LCK: variants seen among roughly 807,000 people sequenced by gnomAD.
LCK encodes the protein tyrosine-protein kinase Lck.
A neutral mutation model predicts 64.6 loss-of-function variants in LCK; 14 were observed. The observed-to-expected ratio is 0.22, with a 90% confidence interval of 0.14 to 0.34. The LOEUF (loss-of-function observed/expected upper bound fraction) is 0.34. LCK is among the 10% of genes least tolerant of loss of function. LCK has a pLI of 1.00. For synonymous variants in LCK, 277 were observed against 263.6 expected (o/e 1.05, Z -0.49); for missense variants, 434 against 668.1 (o/e 0.65, Z 3.86).
rs201599151 is a variant in LCK at position 32,280,191 on chromosome 1, C to T, written c.1308C>T (p.His436=). The change falls in exon 12 of 13, where the codon CAC becomes CAT. Residue 436 remains histidine (H), a synonymous_variant. Transcript: ENST00000336890. ...TCCTGCTGACGGAAATTGTCACCCA[C>T]GGCCGCATCCCTTACCCAGGTTAGA... The part of the protein sequence containing the change: ...FGILLTEIVT[H]GRIPYPGMTN... 9.3e-6 allele frequency: 15 copies of T among 1,614,090 alleles called. No individual in the cohort carries two copies. Among genetic ancestry groups the T allele is most frequent in the South Asian group, 1.1e-5 (1 of 91,076 alleles).
intron 1 of LCK, among the ~76,000 whole-genome samples, chr1:32,255,506 T>C (rs1639608458): frequency 6.6e-6 from 1 of 152,254 alleles, no homozygotes; most frequent in African/African-American, 2.4e-5. Context: ...TCCTTTTAAC[T>C]GTTTCACTAA....
intron 1 of LCK, among the ~76,000 whole-genome samples, chr1:32,273,135 T>G: frequency 1.2e-5 from 1 of 83,930 alleles, no homozygotes; most frequent in Non-Finnish European, 2.2e-5. Flanking sequence ...TGAGAGTGGG[T>G]GCCTGTGTGT....
intron 1 of LCK, among the ~76,000 whole-genome samples, chr1:32,270,931 T>C (rs1640063522): frequency 6.6e-6 from 1 of 150,956 alleles, no homozygotes; most frequent in South Asian, 2.1e-4. Context: ...CTCGATCCCT[T>C]AATCTTGTGA....
chr1:32,272,735 G>A (rs370005228), intron 1 of LCK, among the ~76,000 whole-genome samples: 1 of 151,992 alleles, frequency 6.6e-6, no homozygotes, highest in East Asian at 1.9e-4. Context: ...TTTGGGAAAG[G>A]CAAGAATAGT....
chr1:32,272,014 G>A (rs767861588), intron 1 of LCK, among the ~76,000 whole-genome samples: 2 of 152,054 alleles, frequency 1.3e-5, no homozygotes, highest in Non-Finnish European at 2.9e-5. Flanking sequence ...GTGATATTTA[G>A]GCCAGGTGCC....
At chr1:32,257,320 C>T (rs1639655844) in intron 1 of LCK, among the ~76,000 whole-genome samples, 1 of 150,986 alleles carries the variant, frequency 6.6e-6, no homozygotes, top group Non-Finnish European at 1.5e-5. Context: ...CCAATCTTGG[C>T]TAACTGTAGC....
chr1:32,261,240 ATTTT>A (rs533208515), intron 1 of LCK, among the ~76,000 whole-genome samples: 1 of 106,092 alleles, frequency 9.4e-6, no homozygotes, highest in Non-Finnish European at 1.8e-5. Context: ...TGCTTGGCTA[ATTTT>A]TTTTTTTTTT....
chr1:32,256,471 G>A (rs978762930), intron 1 of LCK, among the ~76,000 whole-genome samples: 4 of 151,884 alleles, frequency 2.6e-5, no homozygotes, highest in Non-Finnish European at 4.4e-5. Context: ...GGTGGCAGGC[G>A]CCTGTAATCC....
intron 12 of LCK, among the ~76,000 whole-genome samples, chr1:32,283,288 CAAA>C (rs888361880): frequency 9.3e-5 from 5 of 53,726 alleles, no homozygotes; most frequent in Admixed American, 1.9e-4. Context: ...GACTCTGTCT[CAAA>C]AAAAAAAAAA....
intron 1 of LCK, among the ~76,000 whole-genome samples, chr1:32,264,014 C>T (rs1448592582): frequency 6.6e-6 from 1 of 152,070 alleles, no homozygotes; most frequent in African/African-American, 2.4e-5. Context: ...TAGGGACGGT[C>T]GCTGCTATTC....
chr1:32,280,116 C>A lies in LCK; in HGVS notation c.1233C>A (p.Ala411=). 1 of 1,614,168 alleles carries A rather than the reference C, an allele frequency of 6.2e-7. No individual in the cohort carries two copies. The highest frequency in any genetic ancestry group is 8.5e-7 in the Non-Finnish European group (1 of 1,180,032). Residue 411 remains alanine (A), a synonymous_variant, in exon 12 of 13, where the codon GCC becomes GCA. Coordinates refer to ENST00000336890, the MANE Select transcript of LCK (RefSeq NM_005356.5). ...CCATTAAGTGGACAGCGCCAGAAGC[C>A]ATTAACTACGGGACATTCACCATCA... The part of the protein sequence containing the change: ...KFPIKWTAPE[A]INYGTFTIKS...
rs76434235 is a variant in LCK, at chr1:32,251,688, G to A, written c.-6+317G>A. Reference sequence around the variant, plus strand: ...AGAAACCACCAAGCCCAGTCCCTCAGGCCATGAGGATGAGGCTCCTGAGGC... The same window carrying A: ...AGAAACCACCAAGCCCAGTCCCTCAAGCCATGAGGATGAGGCTCCTGAGGC... On this transcript the variant is annotated intron_variant, in intron 1 of 12. Transcript: ENST00000336890. The surrounding 1 kb of genome is among the most constrained non-coding windows in gnomAD (Gnocchi z 4.0). 4.7e-3 allele frequency among the ~76,000 whole-genome samples: 715 copies of A among 152,308 alleles called. 19 individuals are homozygous for A. In the East Asian group the frequency reaches 0.08, roughly 17 times the overall value.
At chr1:32,268,863 A>C (rs1335184810) in intron 1 of LCK, among the ~76,000 whole-genome samples, 3 of 151,232 alleles carry the variant, frequency 2.0e-5, no homozygotes, top group Admixed American at 2.0e-4. Context: ...AGGGCTGGGC[A>C]CAGTGGCTCA....
At chr1:32,267,584 A>G (rs1352300486) in intron 1 of LCK, among the ~76,000 whole-genome samples, 2 of 152,020 alleles carry the variant, frequency 1.3e-5, no homozygotes, top group Non-Finnish European at 2.9e-5. Context: ...AACATGGTGA[A>G]ACCCTGTCTC....
At chr1:32,258,619 T>C (rs1480613269) in intron 1 of LCK, among the ~76,000 whole-genome samples, 1 of 151,492 alleles carries the variant, frequency 6.6e-6, no homozygotes, top group Non-Finnish European at 1.5e-5. Flanking sequence ...AATTAGTTTC[T>C]ACTAAAAAAC....
chr1:32,278,021 GT>G (rs1161134053), intron 9 of LCK, among the ~76,000 whole-genome samples: 1 of 151,984 alleles, frequency 6.6e-6, no homozygotes, highest in Non-Finnish European at 1.5e-5. Flanking sequence ...ACAAAAAAAT[GT>G]TTAAAAATTA....
chr1:32,275,282 C>A lies in LCK; in HGVS notation c.279-39C>A, dbSNP rs777692288. 1 of 1,601,128 alleles carries A rather than the reference C, an allele frequency of 6.2e-7. No individual in the cohort carries two copies. The highest frequency in any genetic ancestry group is 2.2e-5 in the East Asian group (1 of 44,820). ...TCTTTGAGGGAGGGTCTCAGGTCGA[C>A]GGCTGAGCGAGCCACACTGACCCAC... On this transcript the variant is annotated intron_variant, in intron 4 of 12. Transcript: ENST00000336890. The surrounding 1 kb of genome is among the most constrained non-coding windows in gnomAD (Gnocchi z 6.9).
chr1:32,283,644 C>T (rs1640527204), intron 12 of LCK, among the ~76,000 whole-genome samples: 1 of 152,098 alleles, frequency 6.6e-6, no homozygotes. Flanking sequence ...GGGAACCAGC[C>T]CAAAGACTAT....
chr1:32,275,712 C>G lies in LCK; in HGVS notation c.481+40C>G. 6.6e-7 allele frequency: 1 copy of G among 1,512,666 alleles called. No individual in the cohort carries two copies. The highest frequency in any genetic ancestry group is 1.2e-5 in the South Asian group (1 of 83,990). The allele number at this position is 1,512,666 out of a possible 1,614,324, so 93.7% of individuals were successfully genotyped here. Reference sequence around the variant, plus strand: ...GTCTCGACCGGGCGCGGGGGTGCCCCGGGGTGTGCCCGAGGGGGGGCGCAG... The same window carrying G: ...GTCTCGACCGGGCGCGGGGGTGCCCGGGGGTGTGCCCGAGGGGGGGCGCAG... On this transcript the variant is annotated intron_variant, in intron 6 of 12. Coordinates refer to ENST00000336890, the MANE Select transcript of LCK (RefSeq NM_005356.5). This position sits in a 1 kb window ranked among gnomAD's most constrained non-coding sequence, Gnocchi z 6.9.
Sources: allele counts gnomAD v4.1 joint callset (sites outside exome capture counted in the v4.1 genomes callset), GRCh38; gene constraint gnomAD v4.1.1; non-coding constraint Gnocchi (gnomAD v3.1); transcripts MANE v1.5; gene names NCBI Gene and HGNC (gene_info 2026-07-23, HGNC 2026-07-21).